Variants in GALNT2 observed in about 807,000 individuals in gnomAD.
GALNT2 encodes polypeptide N-acetylgalactosaminyltransferase 2, also known as UDP-GalNAc:polypeptide N-acetylgalactosaminyltransferase 2.
Under a neutral mutation model 81.4 loss-of-function variants are expected in GALNT2, and 31 were observed. The ratio of observed to expected loss-of-function variants is 0.38; its 90% CI spans 0.29 to 0.51. GALNT2 has a LOEUF of 0.51. Among genes scored for constraint, GALNT2 ranks in the 20% least tolerant of loss-of-function variants. The probability of loss-of-function intolerance (pLI) is 0.87; values close to 1 mark genes in which losing one functional copy is unlikely to be tolerated. For missense variants in GALNT2, 629 were observed against 765.7 expected (o/e 0.82, Z 2.11); for synonymous variants, 303 against 287.4 (o/e 1.05, Z -0.55).
At chr1:230,165,227 AT>A (rs1436209617) in intron 1 of GALNT2, among the ~76,000 whole-genome samples, 3 of 152,162 alleles carry the variant, frequency 2.0e-5, no homozygotes, top group Non-Finnish European at 4.4e-5. Flanking sequence ...ATGGATACAG[AT>A]TTTTATATAG....
chr1:230,073,522 A>G (rs1659437641), intron 1 of GALNT2, among the ~76,000 whole-genome samples: 1 of 152,156 alleles, frequency 6.6e-6, no homozygotes, highest in African/African-American at 2.4e-5. Flanking sequence ...AGTCATGTCT[A>G]CTAGTATGGG....
chr1:230,223,530 G>A (rs2102724691), intron 3 of GALNT2, among the ~76,000 whole-genome samples: 1 of 152,134 alleles, frequency 6.6e-6, no homozygotes, highest in South Asian at 2.1e-4. Context: ...GTACAGTGGT[G>A]TGATCTCGGC....
intron 14 of GALNT2, among the ~76,000 whole-genome samples, chr1:230,265,798 C>G (rs1461989980): frequency 6.6e-6 from 1 of 152,248 alleles, no homozygotes; most frequent in Non-Finnish European, 1.5e-5. Flanking sequence ...AAGGCGGCTG[C>G]TAGTTATAGC....
intron 1 of GALNT2, among the ~76,000 whole-genome samples, chr1:230,071,783 A>C (rs1659383880): frequency 6.6e-6 from 1 of 152,206 alleles, no homozygotes; most frequent in African/African-American, 2.4e-5. Flanking sequence ...AGATAATCCG[A>C]CAGTGGCACT....
chr1:230,090,816 G>A (rs535780846), intron 1 of GALNT2, among the ~76,000 whole-genome samples: 1 of 152,220 alleles, frequency 6.6e-6, no homozygotes, highest in African/African-American at 2.4e-5. Flanking sequence ...GAGACCCTTG[G>A]GCTATCTCAG....
chr1:230,061,776 G>A (rs1571915933), intron 1 of GALNT2, among the ~76,000 whole-genome samples: 1 of 152,134 alleles, frequency 6.6e-6, no homozygotes, highest in Non-Finnish European at 1.5e-5. Context: ...TATTGTGTAT[G>A]TGAGTGTGTA....
chr1:230,222,044 T>TTTTTTTTTTTTTTTTTTA (rs71173785), intron 3 of GALNT2, among the ~76,000 whole-genome samples: 1 of 142,650 alleles, frequency 7.0e-6, no homozygotes, highest in African/African-American at 2.7e-5. Context: ...TTTTTTTTTT[T>TTTTTTTTTTTTTTTTTTA]GAGACAGAGT....
At chr1:230,064,553 C>T (rs1190050229), upstream of GALNT2, among the ~76,000 whole-genome samples, 2 of 152,202 alleles carry the variant, frequency 1.3e-5, no homozygotes, top group African/African-American at 4.8e-5. Flanking sequence ...TGGAGTCTCG[C>T]TCTGTCACCC....
intron 3 of GALNT2, among the ~76,000 whole-genome samples, chr1:230,221,500 T>C (rs1319848649): frequency 6.6e-6 from 1 of 152,238 alleles, no homozygotes; most frequent in Non-Finnish European, 1.5e-5. Context: ...GCTGAAAGTG[T>C]CTGTGGCCAG....
intron 2 of GALNT2, among the ~76,000 whole-genome samples, chr1:230,190,176 C>A (rs1014457728): frequency 6.6e-6 from 1 of 152,222 alleles, no homozygotes; most frequent in Non-Finnish European, 1.5e-5. Context: ...GTGTATTGTA[C>A]GTTTTAGAAA....
chr1:230,277,838 GT>G (rs1666340540), intron 15 of GALNT2, among the ~76,000 whole-genome samples: 2 of 152,178 alleles, frequency 1.3e-5, no homozygotes, highest in Non-Finnish European at 2.9e-5. Context: ...GGAACATTTG[GT>G]TTCCAGGCAC....
chr1:230,210,368 C>T (rs1664198694), intron 3 of GALNT2, among the ~76,000 whole-genome samples: 2 of 152,128 alleles, frequency 1.3e-5, no homozygotes, highest in Non-Finnish European at 2.9e-5. Flanking sequence ...TCATTAAATC[C>T]TTTAAAAACA....
chr1:230,163,069 C>T (rs1045170448), intron 1 of GALNT2, among the ~76,000 whole-genome samples: 2 of 152,196 alleles, frequency 1.3e-5, no homozygotes, highest in Non-Finnish European at 2.9e-5. Context: ...GAAAGTTCTC[C>T]TTGACCCCTG....
chr1:230,149,973 A>G (rs1030697710), intron 1 of GALNT2, among the ~76,000 whole-genome samples: 1 of 152,180 alleles, frequency 6.6e-6, no homozygotes, highest in Non-Finnish European at 1.5e-5. Flanking sequence ...TCTTGATTTA[A>G]TTCTCAGAAA....
chr1:230,125,692 A>G (rs145683036), intron 1 of GALNT2, among the ~76,000 whole-genome samples: 2 of 122,828 alleles, frequency 1.6e-5, no homozygotes, highest in Non-Finnish European at 3.5e-5. Flanking sequence ...GGCAGTGAGA[A>G]ACTGTTAAGG....
At chr1:230,163,660 C>G (rs1219166886) in intron 1 of GALNT2, among the ~76,000 whole-genome samples, 1 of 152,254 alleles carries the variant, frequency 6.6e-6, no homozygotes, top group Non-Finnish European at 1.5e-5. Flanking sequence ...CTCACAGCAG[C>G]TCACTGTCTT....
chr1:230,255,318 G>C lies in GALNT2; in HGVS notation c.1110G>C (p.Pro370=), dbSNP rs758160726. 4 of 1,614,104 alleles carry C rather than the reference G, an allele frequency of 2.5e-6. No homozygotes were observed. Among genetic ancestry groups the C allele is most frequent in the East Asian group, 2.2e-5 (1 of 44,894 alleles). ...GGAAGCAGCACCCCTACACGTTCCC[G>C]GGTGGCAGTGGCACTGTCTTTGCCC... The part of the protein sequence containing the change: ...VFRKQHPYTF[P]GGSGTVFARN... The change falls in exon 11 of 16, where the codon CCG becomes CCC. Residue 370 remains proline, a synonymous_variant. Transcript: ENST00000366672.
At chr1:230,213,216 A>G (rs1421989131) in intron 3 of GALNT2, among the ~76,000 whole-genome samples, 1 of 152,214 alleles carries the variant, frequency 6.6e-6, no homozygotes, top group Non-Finnish European at 1.5e-5. Context: ...TGTTGTCAAG[A>G]AACTGTAGTC....
At chr1:230,108,395 G>A (rs750276343) in intron 1 of GALNT2, among the ~76,000 whole-genome samples, 3 of 152,146 alleles carry the variant, frequency 2.0e-5, no homozygotes, top group East Asian at 1.9e-4. Context: ...GCTATGTCCC[G>A]ATAAACCCAT....
Sources: gnomAD v4.1 joint callset for allele counts (sites outside exome capture counted in the v4.1 genomes callset) on GRCh38, gnomAD v4.1.1 for gene constraint, MANE v1.5 for transcripts, NCBI Gene and HGNC (gene_info 2026-07-23, HGNC 2026-07-21) for gene names.